STK3: variants seen among roughly 807,000 people sequenced by gnomAD.
STK3 encodes serine/threonine kinase 3.
Under a neutral mutation model 58.0 loss-of-function variants are expected in STK3, and 41 were observed. The observed-to-expected ratio is 0.71, with a 90% CI of 0.55 to 0.92. The LOEUF (loss-of-function observed/expected upper bound fraction) is 0.92, where lower values mean the gene tolerates loss of function less well. Among genes scored for constraint, STK3 ranks in the 40% least tolerant of loss-of-function variants. STK3 has a pLI of 0.00. For synonymous variants in STK3, 170 were observed against 191.0 expected (o/e 0.89, Z 0.91); for missense variants, 479 against 602.7 (o/e 0.79, Z 2.15).
At chr8:98,362,671 T>C in the STK3 span, among the ~76,000 whole-genome samples, 30 of 152,252 alleles carry the variant, frequency 2.0e-4, no homozygotes, top group Admixed American at 8.5e-4. Context: ...CATCCATTTA[T>C]TTTACCTCAA....
At chr8:98,838,667 T>G (rs546389215) in intron 3 of STK3, among the ~76,000 whole-genome samples, 3 of 152,168 alleles carry the variant, frequency 2.0e-5, no homozygotes, top group Admixed American at 1.3e-4. Context: ...GATGAAAATT[T>G]TTACTAAAAA....
chr8:98,484,193 C>G (rs1322229910), intron 10 of STK3, among the ~76,000 whole-genome samples: 9 of 150,874 alleles, frequency 6.0e-5, no homozygotes, highest in African/African-American at 1.5e-4. Flanking sequence ...TTCAGAAAGA[C>G]CAGGAGGCCA....
At chr8:98,741,758 A>C (rs912215930) in intron 4 of STK3, among the ~76,000 whole-genome samples, 4 of 152,202 alleles carry the variant, frequency 2.6e-5, no homozygotes, top group Non-Finnish European at 5.9e-5. Context: ...ACCAGAACTG[A>C]AGGAAATAGA....
At chr8:98,590,342 A>G (rs1242267858) in intron 7 of STK3, among the ~76,000 whole-genome samples, 2 of 152,264 alleles carry the variant, frequency 1.3e-5, no homozygotes, top group East Asian at 1.9e-4. Flanking sequence ...AGAGTTACCG[A>G]AAGCTCGGCG....
At chr8:98,825,807 C>CAGA (rs1564039821), upstream of STK3, 2 of 64,138 alleles carry the variant, frequency 3.1e-5, 1 homozygote, top group African/African-American at 1.1e-4. Flanking sequence ...CGCCCCGCCC[C>CAGA]GCCCCCGGCC....
chr8:98,680,207 C>A (rs1823531257), intron 6 of STK3, among the ~76,000 whole-genome samples: 1 of 151,926 alleles, frequency 6.6e-6, no homozygotes, highest in South Asian at 2.1e-4. Context: ...GCTGTGCAGA[C>A]AGAGCTAAGA....
intron 6 of STK3, among the ~76,000 whole-genome samples, chr8:98,704,879 T>C: frequency 6.6e-6 from 1 of 152,150 alleles, no homozygotes; most frequent in South Asian, 2.1e-4. Context: ...TAGGTTGCCT[T>C]GGGTAATTTA....
intron 7 of STK3, among the ~76,000 whole-genome samples, chr8:98,582,875 C>T (rs889989803): frequency 2.0e-5 from 3 of 152,128 alleles, no homozygotes; most frequent in Admixed American, 6.5e-5. Context: ...TGACTGAAAA[C>T]GGAATATCAA....
At chr8:98,936,941 G>A (rs1840220098) in intron 1 of STK3, among the ~76,000 whole-genome samples, 1 of 152,244 alleles carries the variant, frequency 6.6e-6, no homozygotes, top group Admixed American at 6.5e-5. Context: ...AGTGAAGTAT[G>A]TGGCTAAGAC....
chr8:98,708,971 T>C (rs531599626), intron 4 of STK3, among the ~76,000 whole-genome samples: 1 of 151,756 alleles, frequency 6.6e-6, no homozygotes, highest in East Asian at 2.0e-4. Flanking sequence ...AACCAAGTGA[T>C]TAGATGTTTG....
At chr8:98,454,206 G>C (rs1819331935), downstream of STK3, among the ~76,000 whole-genome samples, 1 of 152,160 alleles carries the variant, frequency 6.6e-6, no homozygotes, top group African/African-American at 2.4e-5. Context: ...GAACTCATCA[G>C]CTTTTCCTGT....
upstream of STK3, chr8:98,391,383 G>A (rs780695869): frequency 1.3e-5 from 2 of 152,040 alleles, no homozygotes; most frequent in Non-Finnish European, 2.9e-5. Flanking sequence ...TCTGCTGTTG[G>A]GGATCAGATC....
At chr8:98,348,672 C>T in the STK3 span, among the ~76,000 whole-genome samples, 2 of 152,164 alleles carry the variant, frequency 1.3e-5, no homozygotes, top group African/African-American at 4.8e-5. Context: ...AGATGTTCAA[C>T]ATTATATGTC....
intron 1 of STK3, among the ~76,000 whole-genome samples, chr8:98,904,009 G>C (rs1388519857): frequency 6.6e-6 from 1 of 152,004 alleles, no homozygotes; most frequent in African/African-American, 2.4e-5. Flanking sequence ...TTTTTCTTAA[G>C]TGTTAGAAAT....
intron 1 of STK3, among the ~76,000 whole-genome samples, chr8:98,889,084 C>T (rs146080632): frequency 2.8e-4 from 43 of 152,330 alleles, no homozygotes; most frequent in African/African-American, 9.4e-4. Context: ...CTGCAGCCCT[C>T]TCAGACAAAT....
intron 1 of STK3, among the ~76,000 whole-genome samples, chr8:98,385,777 GA>G (rs1340895194): frequency 6.6e-6 from 1 of 152,132 alleles, no homozygotes; most frequent in African/African-American, 2.4e-5. Flanking sequence ...AGGAATTGTA[GA>G]AAAATCAAGT....
At chr8:98,532,224 T>C (rs1826214826) in intron 9 of STK3, among the ~76,000 whole-genome samples, 1 of 152,200 alleles carries the variant, frequency 6.6e-6, no homozygotes, top group African/African-American at 2.4e-5. Flanking sequence ...TGTGTGACTC[T>C]TCCTTTCACT....
chr8:98,661,778 C>T (rs1821982052), intron 6 of STK3, among the ~76,000 whole-genome samples: 1 of 152,114 alleles, frequency 6.6e-6, no homozygotes, highest in South Asian at 2.1e-4. Context: ...GAATACCACA[C>T]ATCTACTTTT....
At chr8:98,940,385 A>T (rs1840365789) in intron 1 of STK3, among the ~76,000 whole-genome samples, 1 of 152,114 alleles carries the variant, frequency 6.6e-6, no homozygotes, top group African/African-American at 2.4e-5. Context: ...GGGCTCAAGG[A>T]GGTTTCTGTC....
Sources: gnomAD v4.1 joint callset for allele counts (sites outside exome capture counted in the v4.1 genomes callset) on GRCh38, gnomAD v4.1.1 for gene constraint, MANE v1.5 for transcripts, NCBI Gene and HGNC (gene_info 2026-07-23, HGNC 2026-07-21) for gene names.